The following PRXL2C variants were observed in gnomAD, a reference collection of about 807,000 sequenced individuals.
PRXL2C encodes the protein peroxiredoxin like 2C, also known as peroxiredoxin-like 2C.
PRXL2C carries 38 observed loss-of-function variants against 24.9 expected under a neutral mutation model. The observed-to-expected ratio is 1.53, with a 90% CI of 1.18 to 2.00. PRXL2C has a LOEUF of 2.00. Among genes scored for constraint, PRXL2C ranks in the 30% most tolerant of loss-of-function variants. PRXL2C has a pLI of 0.00. For synonymous variants in PRXL2C, 98 were observed against 117.2 expected, an observed-to-expected ratio of 0.84 and a Z score of 1.06; for missense variants, 294 against 290.9, an observed-to-expected ratio of 1.01 and a Z score of -0.08.
Position 96,641,759 on chromosome 9 carries a change from T to C in PRXL2C, c.681A>G (p.Ter227TrpextTer22). ...TGAAAGTGACTGAGTGCATTTTAAGTCACACATGGATAACTGAAGGTCTGT... is the reference window on the plus strand; with the variant it reads ...TGAAAGTGACTGAGTGCATTTTAAGCCACACATGGATAACTGAAGGTCTGT... ...FTNRPSVIHV* is the reference protein window; with the variant it reads ...FTNRPSVIHVW Residue 227 changes from the stop codon to tryptophan (W), a stop_lost, in exon 6 of 6, where the codon TGA becomes TGG. Coordinates refer to ENST00000375234, the MANE Select transcript of PRXL2C (RefSeq NM_153698.2). The C allele has an allele frequency of 6.4e-7, 1 of 1,562,254 alleles. No individual in the cohort carries two copies. Among genetic ancestry groups the C allele is most frequent in the Non-Finnish European group, 8.7e-7 (1 of 1,143,818 alleles).
intron 2 of PRXL2C, among the ~76,000 whole-genome samples, chr9:96,651,981 A>C (rs180905793): frequency 6.6e-6 from 1 of 152,260 alleles, no homozygotes; most frequent in African/African-American, 2.4e-5. Flanking sequence ...AAACTGCTAC[A>C]TGACATGGGT....
At chr9:96,655,036 A>T in intron 1 of PRXL2C, 54 bp downstream of exon 1, 1 of 1,433,794 alleles carries the variant, frequency 7.0e-7, no homozygotes, top group Non-Finnish European at 9.1e-7. Flanking sequence ...GCATCCCGGC[A>T]GCCTGCCCGG....
intron 1 of PRXL2C, 151 bp from the exon 2 acceptor site, chr9:96,654,924 G>A: frequency 1.7e-6 from 2 of 1,193,694 alleles, no homozygotes; most frequent in Non-Finnish European, 2.2e-6. Flanking sequence ...TGGGAAGCGG[G>A]CCTCGCCCTC....
chr9:96,651,853 G>A, intron 2 of PRXL2C, 141 bp from the exon 3 acceptor site: 1 of 604,316 alleles, frequency 1.7e-6, no homozygotes, highest in Non-Finnish European at 2.8e-6. Context: ...AAAATTGTGT[G>A]AGTTAATGCA....
intron 5 of PRXL2C, among the ~76,000 whole-genome samples, chr9:96,644,636 C>G (rs950331757): frequency 2.0e-5 from 3 of 152,030 alleles, no homozygotes; most frequent in African/African-American, 7.2e-5. Flanking sequence ...CAAGCATGCA[C>G]CACCACGCCC....
chr9:96,646,851 C>T (rs181802040), intron 4 of PRXL2C, among the ~76,000 whole-genome samples: 47 of 152,176 alleles, frequency 3.1e-4, no homozygotes, highest in Admixed American at 9.2e-4. Flanking sequence ...AGTGCAATGG[C>T]GCAATCTTGG....
intron 5 of PRXL2C, among the ~76,000 whole-genome samples, chr9:96,645,666 G>A (rs937191913): frequency 2.6e-5 from 4 of 151,734 alleles, no homozygotes; most frequent in East Asian, 3.9e-4. Flanking sequence ...GCGTCGTGGC[G>A]GGCACCTGTA....
chr9:96,645,824 A>G, intron 5 of PRXL2C, 69 bp downstream of exon 5: 1 of 1,486,722 alleles, frequency 6.7e-7, no homozygotes, highest in Non-Finnish European at 9.0e-7. Context: ...AAAAGAAAAG[A>G]AAATGGCGGC....
At position 96,651,387 on chromosome 9, in the gene PRXL2C, T is replaced by C. The variant is rs375459057; in HGVS notation, c.421+3A>G. 2.5e-6 allele frequency: 4 copies of C among 1,598,368 alleles called. No individual in the cohort carries two copies. Among genetic ancestry groups the C allele is most frequent in the South Asian group, 1.1e-5 (1 of 89,996 alleles). ...TTTCTATTTGAGACATGTTATGTCT[T>C]ACCTGAGGAAGCAATTTCTTCACCT... On this transcript the variant is annotated splice_donor_region_variant and intron_variant, in intron 4 of 5. Transcript: ENST00000375234.
chr9:96,654,252 G>A (rs1848315589), intron 2 of PRXL2C, among the ~76,000 whole-genome samples: 1 of 152,134 alleles, frequency 6.6e-6, no homozygotes, highest in Non-Finnish European at 1.5e-5. Context: ...GCTCACTTGG[G>A]CACAAACCTA....
intron 5 of PRXL2C, among the ~76,000 whole-genome samples, chr9:96,645,529 G>A (rs966163474): frequency 2.0e-5 from 3 of 151,896 alleles, no homozygotes; most frequent in Admixed American, 2.0e-4. Flanking sequence ...GGGGCGCGGT[G>A]GCTCATGCCT....
At chr9:96,650,209 T>A (rs752607703) in intron 4 of PRXL2C, among the ~76,000 whole-genome samples, 6 of 152,172 alleles carry the variant, frequency 3.9e-5, no homozygotes, top group Non-Finnish European at 8.8e-5. Context: ...TCTCCCAGAG[T>A]AGATGATGAG....
At chr9:96,653,087 G>T (rs542698903) in intron 2 of PRXL2C, among the ~76,000 whole-genome samples, 2 of 152,192 alleles carry the variant, frequency 1.3e-5, no homozygotes, top group East Asian at 1.9e-4. Flanking sequence ...TTAGCCGGGC[G>T]TGGTGGCGGG....
chr9:96,644,307 C>T (rs1336331110), intron 5 of PRXL2C, among the ~76,000 whole-genome samples: 1 of 152,006 alleles, frequency 6.6e-6, no homozygotes, highest in East Asian at 1.9e-4. Context: ...TCCTTTGTTG[C>T]AATGCTGGAA....
At chr9:96,651,266 A>C in intron 4 of PRXL2C, 124 bp downstream of exon 4, 1 of 687,392 alleles carries the variant, frequency 1.5e-6, no homozygotes, top group Non-Finnish European at 2.4e-6. Flanking sequence ...CAACAGAGTG[A>C]GACTCCATCT....
chr9:96,642,007 A>G, intron 5 of PRXL2C, 121 bp from the exon 6 acceptor site: 1 of 729,282 alleles, frequency 1.4e-6, no homozygotes, highest in Non-Finnish European at 2.0e-6. Flanking sequence ...AATTACCTGG[A>G]GTGCATTATA....
intron 2 of PRXL2C, 83 bp downstream of exon 2, chr9:96,654,622 C>T (rs956794835): frequency 2.0e-5 from 27 of 1,330,746 alleles, no homozygotes; most frequent in Non-Finnish European, 2.4e-5. Context: ...GCTGCAAGTT[C>T]CGCGCTGGAG....
At chr9:96,651,801 C>T in intron 2 of PRXL2C, 89 bp from the exon 3 acceptor site, 3 of 1,104,132 alleles carry the variant, frequency 2.7e-6, no homozygotes, top group Non-Finnish European at 4.0e-6. Flanking sequence ...ATGTTTCATT[C>T]TAATGCCACC....
intron 4 of PRXL2C, among the ~76,000 whole-genome samples, chr9:96,647,138 G>A (rs1848209711): frequency 2.0e-5 from 3 of 152,124 alleles, no homozygotes; most frequent in Non-Finnish European, 2.9e-5. Context: ...ACCATGTCAT[G>A]CTACTGAGAC....
Sources: allele counts gnomAD v4.1 joint callset (sites outside exome capture counted in the v4.1 genomes callset), GRCh38; gene constraint gnomAD v4.1.1; transcripts MANE v1.5; gene names NCBI Gene and HGNC (gene_info 2026-07-23, HGNC 2026-07-21).